OGDH: variants seen among roughly 807,000 people sequenced by gnomAD.
OGDH encodes 2-oxoglutarate dehydrogenase complex component E1.
A neutral mutation model predicts 116.6 loss-of-function variants in OGDH; 38 were observed. The ratio of observed to expected loss-of-function variants is 0.33; its 90% CI spans 0.25 to 0.43. The LOEUF is 0.43. OGDH is among the 20% of genes least tolerant of loss of function. The probability of loss-of-function intolerance (pLI) is 1.00; values close to 1 mark genes in which losing one functional copy is unlikely to be tolerated. For missense variants in OGDH, 825 were observed against 1,357.2 expected, an observed-to-expected ratio of 0.61 and a Z score of 6.16; for synonymous variants, 488 against 533.3, an observed-to-expected ratio of 0.92 and a Z score of 1.17.
intron 2 of OGDH, among the ~76,000 whole-genome samples, chr7:44,638,578 C>T (rs1249858583): frequency 3.3e-5 from 5 of 152,150 alleles, no homozygotes; most frequent in African/African-American, 7.2e-5. Context: ...ACTGCAATTC[C>T]GGGACATCCA....
chr7:44,671,036 A>G, intron 5 of OGDH, among the ~76,000 whole-genome samples: 1 of 151,810 alleles, frequency 6.6e-6, no homozygotes, highest in Non-Finnish European at 1.5e-5. Flanking sequence ...AAAGAAAAGA[A>G]AAAAAAGAAA....
chr7:44,642,832 G>A (rs2115746771), intron 2 of OGDH, among the ~76,000 whole-genome samples: 1 of 151,510 alleles, frequency 6.6e-6, no homozygotes, highest in East Asian at 1.9e-4. Flanking sequence ...TGAGGCAGGA[G>A]AATCGCTTGA....
rs766024422 is a variant in OGDH at position 44,647,765 on chromosome 7, G to A, written c.517+6G>A. On this transcript the variant is annotated splice_donor_region_variant and intron_variant, in intron 4 of 22. Transcript: ENST00000222673. ...CTCATCCACAGACAAACTTGGTGAG[G>A]GTCTGAGAGCAGTCAGCTGCGTTGC... 2 of 1,612,136 alleles carry A rather than the reference G, an allele frequency of 1.2e-6. No homozygotes were observed. The highest frequency in any genetic ancestry group is 2.2e-5 in the South Asian group (2 of 91,000).
intron 2 of OGDH, among the ~76,000 whole-genome samples, chr7:44,641,448 A>T (rs1241272252): frequency 6.7e-6 from 1 of 148,522 alleles, no homozygotes; most frequent in Non-Finnish European, 1.5e-5. Context: ...CTGGTCTCGA[A>T]CTCCTGATCT....
chr7:44,608,563 G>T (rs532315809), intron 1 of OGDH, among the ~76,000 whole-genome samples: 174 of 152,128 alleles, frequency 1.1e-3, no homozygotes, highest in African/African-American at 3.9e-3. Context: ...GCAGGGCATG[G>T]TGGCGTGGGC....
At chr7:44,639,315 T>TG (rs1175622061) in intron 2 of OGDH, among the ~76,000 whole-genome samples, 1 of 148,902 alleles carries the variant, frequency 6.7e-6, no homozygotes, top group Non-Finnish European at 1.5e-5. Context: ...GGAAAGAGAG[T>TG]GGGGGATGGA....
At chr7:44,658,452 C>CT (rs759195013) in intron 4 of OGDH, among the ~76,000 whole-genome samples, 2,351 of 132,620 alleles carry the variant, frequency 0.018, 41 homozygotes, top group African/African-American at 0.045. Flanking sequence ...CATTCTAGGG[C>CT]TTTTTTTTTT....
chr7:44,675,359 G>T (rs1445376231), intron 8 of OGDH, 91 bp downstream of exon 8: 11 of 1,062,196 alleles, frequency 1.0e-5, no homozygotes, highest in Admixed American at 2.0e-5. Context: ...CTTACGGGGG[G>T]TTGGTTCTTC....
intron 1 of OGDH, among the ~76,000 whole-genome samples, chr7:44,613,357 T>G (rs958357532): frequency 6.6e-6 from 1 of 151,730 alleles, no homozygotes; most frequent in Non-Finnish European, 1.5e-5. Context: ...TTTGTTTGTT[T>G]ATTTGTTTGT....
chr7:44,616,823 A>ACG lies in OGDH; in HGVS notation c.-27-7494_-27-7493insCG, dbSNP rs1784811538. Among the ~76,000 whole-genome samples the ACG allele has an allele frequency of 1.7e-4, 23 of 139,344 alleles. No individual in the cohort carries two copies. The South Asian group carries it at 5.0e-3, about 30-fold the overall frequency. The allele number at this position is 139,344 out of a possible 152,430, so 91.4% of individuals were successfully genotyped here. On this transcript the variant is annotated intron_variant, in intron 1 of 22. Transcript: ENST00000222673. ...TATATATATGCATATATACGTATAT[A>ACG]TGTGTATATATACACATATACGTGT...
chr7:44,621,282 C>T (rs551720500), intron 1 of OGDH, among the ~76,000 whole-genome samples: 13 of 152,194 alleles, frequency 8.5e-5, no homozygotes, highest in Admixed American at 5.2e-4. Flanking sequence ...CTATGTTGCC[C>T]GGGCTGGTCT....
intron 5 of OGDH, 72 bp from the exon 6 acceptor site, chr7:44,673,713 TGG>T: frequency 6.9e-7 from 1 of 1,456,310 alleles, no homozygotes; most frequent in Non-Finnish European, 9.6e-7. Context: ...TCTGGCTGAA[TGG>T]GCAGTCGGCA....
chr7:44,701,648 G>T, intron 20 of OGDH, 33 bp downstream of exon 20: 1 of 1,593,168 alleles, frequency 6.3e-7, no homozygotes, highest in Non-Finnish European at 8.6e-7. Flanking sequence ...TTTCCTTGGG[G>T]GAAGCTATGT....
At position 44,645,346 on chromosome 7, in the gene OGDH, G is replaced by A. The variant is rs200566080; in HGVS notation, c.242G>A (p.Arg81His). Residue 81 changes from arginine to histidine, a missense_variant, in exon 3 of 23, where the codon CGC becomes CAC. Physicochemically the swap from Arg to His is conservative, Grantham distance 29. This residue lies in a region of OGDH where 126 missense variants were observed against 130.4 expected (regional missense o/e 0.97). Coordinates refer to ENST00000222673, the MANE Select transcript of OGDH (RefSeq NM_002541.4). ...CTTTAGTCATGGGACATTTTTTTTC[G>A]CAACACGAATGCCGGAGCCCCACCG... ...SVHKSWDIFF[R>H]NTNAGAPPGT... The A allele has an allele frequency of 8.1e-6, 13 of 1,607,508 alleles. No individual in the cohort carries two copies. The highest frequency in any genetic ancestry group is 2.2e-5 in the South Asian group (2 of 90,068).
At chr7:44,677,776 A>G (rs750498750) in intron 9 of OGDH, among the ~76,000 whole-genome samples, 7 of 151,584 alleles carry the variant, frequency 4.6e-5, no homozygotes, top group Non-Finnish European at 1.0e-4. Flanking sequence ...CAGGAGGCTG[A>G]GGCAGGAGAA....
rs113139074 is a variant in OGDH, at chr7:44,666,681, A to G, written c.518-55A>G. 327 of 980,374 alleles carry G rather than the reference A, an allele frequency of 3.3e-4. 1 individual carries two copies. In the African/African-American group the frequency reaches 4.2e-3, roughly 12 times the overall value. 60.7% of individuals were successfully genotyped at this position (980,374 alleles called of 1,614,324 possible). A position where few individuals can be genotyped will look rare whatever the true frequency, so the allele number is the denominator to read the frequency against. ...CCTTTCCATAAACTGTGGTCCCTGC[A>G]TGGCTGTGCCCCATCCCTCCTCATC... On this transcript the variant is annotated intron_variant, in intron 4 of 22. Coordinates refer to ENST00000222673, the MANE Select transcript of OGDH (RefSeq NM_002541.4).
At chr7:44,692,745 T>C (rs910905667) in intron 10 of OGDH, among the ~76,000 whole-genome samples, 1 of 152,158 alleles carries the variant, frequency 6.6e-6, no homozygotes, top group African/African-American at 2.4e-5. Context: ...CTTTAAATTT[T>C]CTTTTCTGGC....
chr7:44,626,335 CTA>C (rs1491289347), intron 2 of OGDH, among the ~76,000 whole-genome samples: 15 of 109,768 alleles, frequency 1.4e-4, no homozygotes, highest in South Asian at 3.5e-4. Flanking sequence ...ACACACACCC[CTA>C]CACACACACA....
At chr7:44,633,727 T>A (rs1271058460) in intron 2 of OGDH, among the ~76,000 whole-genome samples, 2 of 152,158 alleles carry the variant, frequency 1.3e-5, no homozygotes, top group Non-Finnish European at 2.9e-5. Context: ...TGGGCTGGGG[T>A]TCCCCCAAAT....
Sources: allele counts gnomAD v4.1 joint callset (sites outside exome capture counted in the v4.1 genomes callset), GRCh38; gene constraint gnomAD v4.1.1; regional missense constraint gnomAD v4.1.1; transcripts MANE v1.5; gene names NCBI Gene and HGNC (gene_info 2026-07-23, HGNC 2026-07-21).